Variants in KIF13A observed in about 807,000 individuals in gnomAD.
KIF13A encodes the protein kinesin-like protein KIF13A.
In KIF13A, 79 loss-of-function variants were observed where a neutral mutation model predicts 212.2. The observed-to-expected ratio is 0.37, with a 90% CI of 0.31 to 0.45. The LOEUF (loss-of-function observed/expected upper bound fraction) is 0.45. KIF13A is among the 20% of genes least tolerant of loss of function. The pLI, the probability that KIF13A is intolerant of heterozygous loss-of-function variation, is 1.00. For synonymous variants in KIF13A, 789 were observed against 808.6 expected (o/e 0.98, Z 0.41); for missense variants, 1,901 against 2,209.0 (o/e 0.86, Z 2.79).
At chr6:17,840,471 G>A (rs1766403210) in intron 9 of KIF13A, among the ~76,000 whole-genome samples, 1 of 151,940 alleles carries the variant, frequency 6.6e-6, no homozygotes, top group Non-Finnish European at 1.5e-5. Flanking sequence ...ATCTATGTGT[G>A]GCACATATTA....
At chr6:17,821,657 C>T in intron 16 of KIF13A, 1 of 1,043,644 alleles carries the variant, frequency 9.6e-7, no homozygotes, top group Non-Finnish European at 1.3e-6. Context: ...CTTCATCAGC[C>T]AGAAAACTCC....
At chr6:17,798,661 A>C (rs1010473908) in intron 22 of KIF13A, among the ~76,000 whole-genome samples, 8 of 152,238 alleles carry the variant, frequency 5.3e-5, no homozygotes, top group African/African-American at 7.2e-5. Flanking sequence ...GGTCTTTTAG[A>C]AATGACTTGT....
At chr6:17,861,574 C>G (rs1406427932) in intron 4 of KIF13A, among the ~76,000 whole-genome samples, 2 of 152,188 alleles carry the variant, frequency 1.3e-5, no homozygotes, top group African/African-American at 4.8e-5. Context: ...TTGGTCTCTA[C>G]TTACAACACT....
At chr6:17,950,330 AAAC>A in intron 2 of KIF13A, 3 of 855,552 alleles carry the variant, frequency 3.5e-6, no homozygotes, top group Non-Finnish European at 4.2e-6. Flanking sequence ...GAAGGGATTT[AAAC>A]AAATCTAAGC....
At position 17,838,631 on chromosome 6, in the gene KIF13A, G is replaced by A. The variant is rs1228306934; in HGVS notation, c.831-1048C>T. ...ATGTACATCATCTTAAGTGAAACAA[G>A]TCAAAAAAATTAAAATAAAAATATA... On this transcript the variant is annotated intron_variant, in intron 9 of 38. Coordinates refer to ENST00000259711, the MANE Select transcript of KIF13A (RefSeq NM_022113.6). The surrounding 1 kb of genome is among the most constrained non-coding windows in gnomAD (Gnocchi z 4.2). 6.6e-6 allele frequency among the ~76,000 whole-genome samples: 1 copy of A among 151,940 alleles called. No individual in the cohort carries two copies. The highest frequency in any genetic ancestry group is 1.5e-5 in the Non-Finnish European group (1 of 67,990).
At chr6:17,893,987 G>T (rs1394080978) in intron 3 of KIF13A, among the ~76,000 whole-genome samples, 2 of 151,404 alleles carry the variant, frequency 1.3e-5, no homozygotes, top group South Asian at 4.2e-4. Context: ...CTACAGGCGT[G>T]TGCCACCACA....
chr6:17,867,835 C>A (rs79951589), intron 4 of KIF13A, among the ~76,000 whole-genome samples: 1 of 152,254 alleles, frequency 6.6e-6, no homozygotes, highest in East Asian at 1.9e-4. Context: ...TGTCTCATTA[C>A]GATTCTGGTT....
intron 3 of KIF13A, among the ~76,000 whole-genome samples, chr6:17,874,263 ATGTTTTTGTTTT>A (rs376102077): frequency 5.2e-5 from 6 of 115,812 alleles, no homozygotes; most frequent in African/African-American, 6.3e-5. Context: ...CCAGCAAAGC[ATGTTTTTGTTTT>A]TGTTTTTGTT....
intron 2 of KIF13A, among the ~76,000 whole-genome samples, chr6:17,952,762 C>G (rs1169813588): frequency 1.3e-5 from 2 of 151,746 alleles, no homozygotes; most frequent in African/African-American, 4.8e-5. Context: ...AACACTGTCT[C>G]TACTAAAAAT....
intron 2 of KIF13A, among the ~76,000 whole-genome samples, chr6:17,955,663 G>C (rs1040948705): frequency 6.6e-6 from 1 of 152,190 alleles, no homozygotes; most frequent in Non-Finnish European, 1.5e-5. Flanking sequence ...GTTTGGATGA[G>C]ATAATATTGA....
chr6:17,771,930 G>A lies in KIF13A; in HGVS notation c.4454C>T (p.Ala1485Val), dbSNP rs1447468499. 1 of 1,613,898 alleles carries A rather than the reference G, an allele frequency of 6.2e-7. No individual in the cohort carries two copies. The highest frequency in any genetic ancestry group is 8.5e-7 in the Non-Finnish European group (1 of 1,179,884). The change falls in exon 37 of 39, where the codon GCA (alanine) becomes GTA (valine). Residue 1485 changes from alanine to valine, a missense_variant. Physicochemically the swap from Ala to Val is moderately conservative, Grantham distance 64. Coordinates refer to ENST00000259711, the MANE Select transcript of KIF13A (RefSeq NM_022113.6). The surrounding 1 kb of genome is among the most constrained non-coding windows in gnomAD (Gnocchi z 5.4). Reference sequence around the variant, plus strand: ...TACCTCCTGGCTTAGAAGAGGCCTTGCTTCCAGGGCTATCCTTTTCTTATG... The same window carrying A: ...TACCTCCTGGCTTAGAAGAGGCCTTACTTCCAGGGCTATCCTTTTCTTATG... ...EEHKKRIALE[A>V]RPLLSQESMP... is the part of the protein sequence containing the mutation.
At chr6:17,938,475 C>T (rs1253452500) in intron 2 of KIF13A, among the ~76,000 whole-genome samples, 3 of 152,128 alleles carry the variant, frequency 2.0e-5, no homozygotes, top group African/African-American at 4.8e-5. Context: ...TCCTGAAAGA[C>T]GGGGACACCA....
chr6:17,870,756 T>G (rs1462598900), intron 4 of KIF13A, among the ~76,000 whole-genome samples: 9 of 151,284 alleles, frequency 5.9e-5, no homozygotes, highest in Non-Finnish European at 1.0e-4. Flanking sequence ...TTTTTAATCT[T>G]AACTTTGCAG....
At position 17,961,957 on chromosome 6, in the gene KIF13A, G is replaced by A. The variant is rs73373180; in HGVS notation, c.146+25097C>T. Among the ~76,000 whole-genome samples, 42 of 152,198 alleles carry A rather than the reference G, an allele frequency of 2.8e-4. No homozygotes were observed. Among genetic ancestry groups the A allele is most frequent in the African/African-American group, 9.2e-4 (38 of 41,510 alleles). Reference sequence around the variant, plus strand: ...GACAATCAAGGTTTAATAGTTCAACGGGCAATGGTTTTTCTTTTGTGTGGC... The same window carrying A: ...GACAATCAAGGTTTAATAGTTCAACAGGCAATGGTTTTTCTTTTGTGTGGC... On this transcript the variant is annotated intron_variant, in intron 2 of 38. Transcript: ENST00000259711. This position sits in a 1 kb window ranked among gnomAD's most constrained non-coding sequence, Gnocchi z 4.1.
chr6:17,875,024 C>CACAG (rs776533442), intron 3 of KIF13A, among the ~76,000 whole-genome samples: 1 of 150,574 alleles, frequency 6.6e-6, no homozygotes, highest in Non-Finnish European at 1.5e-5. Context: ...CACACACACA[C>CACAG]AGCATGGTTC....
chr6:17,772,853 A>C lies in KIF13A; in HGVS notation c.4324+625T>G, dbSNP rs1050694450. 2.0e-5 allele frequency among the ~76,000 whole-genome samples: 3 copies of C among 152,166 alleles called. No homozygotes were observed. The highest frequency in any genetic ancestry group is 7.2e-5 in the African/African-American group (3 of 41,434). On this transcript the variant is annotated intron_variant, in intron 36 of 38. Coordinates refer to ENST00000259711, the MANE Select transcript of KIF13A (RefSeq NM_022113.6). The surrounding 1 kb of genome is among the most constrained non-coding windows in gnomAD (Gnocchi z 4.8). The stretch of plus-strand genomic sequence containing the variant: ...CTGCTATATATGACTAAGGGAGGAC[A>C]ATTCTTCTTCCTTGCTTGTATCATT...
intron 2 of KIF13A, among the ~76,000 whole-genome samples, chr6:17,962,267 C>T (rs1322948691): frequency 2.0e-5 from 3 of 151,730 alleles, no homozygotes; most frequent in Non-Finnish European, 2.9e-5. Context: ...GCTGAGATTG[C>T]GCCAGTGCAC....
intron 25 of KIF13A, among the ~76,000 whole-genome samples, chr6:17,791,369 CTTTT>C (rs757391141): frequency 7.4e-6 from 1 of 135,738 alleles, no homozygotes. Flanking sequence ...GAGAATAATT[CTTTT>C]TTTTTTTTTT....
intron 2 of KIF13A, among the ~76,000 whole-genome samples, chr6:17,983,713 C>T (rs953610913): frequency 1.6e-4 from 24 of 152,048 alleles, no homozygotes; most frequent in African/African-American, 5.8e-4. Context: ...GTCTCAAACT[C>T]CTGGCCTCAA....
Sources: allele counts gnomAD v4.1 joint callset (sites outside exome capture counted in the v4.1 genomes callset), GRCh38; gene constraint gnomAD v4.1.1; non-coding constraint Gnocchi (gnomAD v3.1); transcripts MANE v1.5; gene names NCBI Gene and HGNC (gene_info 2026-07-23, HGNC 2026-07-21).